TP53BP2: variants seen among roughly 807,000 people sequenced by gnomAD.
TP53BP2 encodes the protein tumor protein p53 binding protein 2, also known as apoptosis-stimulating of p53 protein 2.
In TP53BP2, 62 loss-of-function variants were observed where a neutral mutation model predicts 126.2. The observed-to-expected ratio is 0.49, with a 90% CI of 0.40 to 0.61. TP53BP2 has a LOEUF of 0.61. TP53BP2 is among the 20% of genes least tolerant of loss of function. TP53BP2 has a pLI of 0.00. For synonymous variants in TP53BP2, 485 were observed against 502.9 expected (o/e 0.96, Z 0.48); for missense variants, 1,215 against 1,402.8 (o/e 0.87, Z 2.14).
At chr1:223,790,282 C>T (rs1445707975) in intron 15 of TP53BP2, among the ~76,000 whole-genome samples, 2 of 151,102 alleles carry the variant, frequency 1.3e-5, no homozygotes, top group Admixed American at 6.6e-5. Flanking sequence ...TTTGGCCAGG[C>T]GCAGTGACTC....
chr1:223,814,425 C>A, intron 2 of TP53BP2, 72 bp from the exon 3 acceptor site: 1 of 1,116,250 alleles, frequency 9.0e-7, no homozygotes, highest in Non-Finnish European at 1.3e-6. Context: ...ACCATCTATC[C>A]TTCATGCAAA....
At chr1:223,789,231 G>A in intron 15 of TP53BP2, 57 bp from the exon 16 acceptor site, 1 of 1,574,678 alleles carries the variant, frequency 6.4e-7, no homozygotes, top group South Asian at 1.1e-5. Flanking sequence ...GACACCTGCT[G>A]ATAAGATATC....
intron 17 of TP53BP2, among the ~76,000 whole-genome samples, chr1:223,781,917 T>A (rs1025772189): frequency 6.6e-6 from 1 of 152,198 alleles, no homozygotes; most frequent in African/African-American, 2.4e-5. Flanking sequence ...AATGAAAATA[T>A]TCAGTCCAGT....
At chr1:223,786,057 A>T (rs1214737116) in intron 16 of TP53BP2, among the ~76,000 whole-genome samples, 1 of 152,186 alleles carries the variant, frequency 6.6e-6, no homozygotes, top group East Asian at 1.9e-4. Flanking sequence ...AAGCAGAATA[A>T]AAAGATAAAC....
At chr1:223,800,658 G>A (rs1662498653) in intron 10 of TP53BP2, 42 bp downstream of exon 10, 1 of 1,466,586 alleles carries the variant, frequency 6.8e-7, no homozygotes, top group African/African-American at 1.4e-5. Flanking sequence ...CCTTTCAGAT[G>A]ACCAAAATTT....
intron 1 of TP53BP2, among the ~76,000 whole-genome samples, chr1:223,822,010 G>A (rs1270168678): frequency 1.3e-5 from 2 of 151,818 alleles, no homozygotes; most frequent in Admixed American, 1.3e-4. Flanking sequence ...TCCTGTCTCA[G>A]CCTCCCGAGT....
chr1:223,802,442 C>G, intron 8 of TP53BP2, 98 bp from the exon 9 acceptor site: 1 of 1,246,234 alleles, frequency 8.0e-7, no homozygotes, highest in Non-Finnish European at 1.1e-6. Context: ...TTAAAATGAG[C>G]AGTTTCAGAA....
chr1:223,837,417 A>G (rs1472330754), intron 1 of TP53BP2, among the ~76,000 whole-genome samples: 1 of 152,138 alleles, frequency 6.6e-6, no homozygotes, highest in African/African-American at 2.4e-5. Flanking sequence ...TTAGCCCCAT[A>G]GGAAGGAGCT....
intron 1 of TP53BP2, among the ~76,000 whole-genome samples, chr1:223,838,925 C>T (rs1052729689): frequency 1.3e-5 from 2 of 151,890 alleles, no homozygotes; most frequent in Non-Finnish European, 2.9e-5. Context: ...TAACCACCTC[C>T]ACATCATTTG....
intron 1 of TP53BP2, chr1:223,826,117 G>C (rs551191563): frequency 6.6e-6 from 1 of 152,224 alleles, no homozygotes; most frequent in African/African-American, 2.4e-5. Context: ...GCCAACCAGA[G>C]GCAACACATT....
At position 223,806,768 on chromosome 1, in the gene TP53BP2, G is replaced by A. The variant is rs551385991; in HGVS notation, c.474+78C>T. On this transcript the variant is annotated intron_variant, in intron 5 of 17. Coordinates refer to ENST00000343537, the MANE Select transcript of TP53BP2 (RefSeq NM_001031685.3). ...GAACTCAGGAGGCGGAGGTTGCAGT[G>A]AGCCAAGATCGTGCCACTGCACTCC... is the stretch of plus-strand genomic sequence containing the variant. 3.3e-5 allele frequency: 38 copies of A among 1,135,246 alleles called. No homozygotes were observed. In the East Asian group the frequency reaches 6.7e-4, roughly 20 times the overall value. 70.3% of individuals were successfully genotyped at this position (1,135,246 alleles called of 1,614,324 possible).
At chr1:223,788,217 A>T (rs1315251046) in intron 16 of TP53BP2, among the ~76,000 whole-genome samples, 1 of 152,202 alleles carries the variant, frequency 6.6e-6, no homozygotes, top group East Asian at 1.9e-4. Context: ...GGAAAAGTTC[A>T]GCAGAGAGGG....
At chr1:223,788,873 T>A in intron 16 of TP53BP2, 135 bp downstream of exon 16, 1 of 798,824 alleles carries the variant, frequency 1.3e-6, no homozygotes. Flanking sequence ...TGACCAAGGC[T>A]GTTGTATTTT....
At chr1:223,818,950 C>T (rs1486588055) in intron 2 of TP53BP2, among the ~76,000 whole-genome samples, 3 of 151,424 alleles carry the variant, frequency 2.0e-5, no homozygotes, top group South Asian at 2.1e-4. Flanking sequence ...TTTGGGAGGC[C>T]GAGGTGGCGG....
At chr1:223,801,515 C>T (rs565462784) in intron 9 of TP53BP2, among the ~76,000 whole-genome samples, 2 of 152,306 alleles carry the variant, frequency 1.3e-5, no homozygotes, top group South Asian at 2.1e-4. Flanking sequence ...AATTTTTCTA[C>T]AATTCTCCCC....
At chr1:223,845,440 T>C (rs1664234258) in intron 1 of TP53BP2, among the ~76,000 whole-genome samples, 1 of 151,874 alleles carries the variant, frequency 6.6e-6, no homozygotes. Context: ...GAGGTTAGGG[T>C]CTCGCCGCGC....
At chr1:223,800,911 T>C in intron 9 of TP53BP2, 101 bp from the exon 10 acceptor site, 1 of 751,242 alleles carries the variant, frequency 1.3e-6, no homozygotes, top group Non-Finnish European at 2.2e-6. Flanking sequence ...AGCTTTAAAT[T>C]CCAGACTCAC....
chr1:223,821,137 A>T, intron 2 of TP53BP2, 83 bp downstream of exon 2: 3 of 1,545,856 alleles, frequency 1.9e-6, no homozygotes, highest in Non-Finnish European at 2.7e-6. Flanking sequence ...GAGAAACATG[A>T]GCATTCACAC....
intron 2 of TP53BP2, among the ~76,000 whole-genome samples, chr1:223,816,788 A>AT (rs1317220257): frequency 6.6e-6 from 1 of 152,066 alleles, no homozygotes; most frequent in African/African-American, 2.4e-5. Flanking sequence ...GGTTCATGAT[A>AT]GTAACCTTTT....
Sources: gnomAD v4.1 joint callset for allele counts (sites outside exome capture counted in the v4.1 genomes callset) on GRCh38, gnomAD v4.1.1 for gene constraint, MANE v1.5 for transcripts, NCBI Gene and HGNC (gene_info 2026-07-23, HGNC 2026-07-21) for gene names.